The following RELN variants were observed in gnomAD, a reference collection of about 807,000 sequenced individuals.
The protein encoded by RELN is reelin.
In RELN, 108 loss-of-function variants were observed where a neutral mutation model predicts 427.6. That is an observed-to-expected ratio of 0.25 (90% CI 0.22 to 0.30). RELN has a LOEUF of 0.30. RELN is among the 10% of genes least tolerant of loss of function. The pLI is 1.00. For synonymous variants in RELN, 1,524 were observed against 1,513.4 expected (o/e 1.01, Z -0.16); for missense variants, 3,715 against 4,302.8 (o/e 0.86, Z 3.82).
At chr7:103,822,910 G>T (rs1793044828) in intron 3 of RELN, among the ~76,000 whole-genome samples, 2 of 142,524 alleles carry the variant, frequency 1.4e-5, no homozygotes, top group African/African-American at 5.3e-5. Context: ...GACAGAGCGA[G>T]ACTCCGTCTC....
At chr7:103,986,865 A>C (rs1462135104) in intron 1 of RELN, among the ~76,000 whole-genome samples, 1 of 151,938 alleles carries the variant, frequency 6.6e-6, no homozygotes. Flanking sequence ...CACATATCAA[A>C]ATGGGCCAAC....
intron 2 of RELN, among the ~76,000 whole-genome samples, chr7:103,843,766 G>T (rs935332173): frequency 6.6e-6 from 1 of 152,092 alleles, no homozygotes; most frequent in Non-Finnish European, 1.5e-5. Flanking sequence ...GTTATACTTG[G>T]GTCTGTGTGA....
intron 3 of RELN, among the ~76,000 whole-genome samples, chr7:103,798,122 T>C (rs994589467): frequency 2.0e-5 from 3 of 152,224 alleles, no homozygotes; most frequent in African/African-American, 7.2e-5. Context: ...CCCTGGACAG[T>C]ACTACTCACT....
At chr7:103,960,512 A>AT (rs996038214) in intron 1 of RELN, among the ~76,000 whole-genome samples, 24 of 151,922 alleles carry the variant, frequency 1.6e-4, no homozygotes, top group African/African-American at 5.3e-4. Context: ...ATTTTATCGT[A>AT]TTTTTTCTGA....
At chr7:103,735,250 T>A (rs1038621978) in intron 6 of RELN, among the ~76,000 whole-genome samples, 4 of 152,214 alleles carry the variant, frequency 2.6e-5, no homozygotes, top group Non-Finnish European at 5.9e-5. Context: ...GTTCTCTATT[T>A]TTTATTTATT....
In RELN at chr7:103,603,228, T is replaced by C; in HGVS notation, c.3333+76A>G. ...TGGGGAACAATAGAACCACTTCATA[T>C]TTGTACATTTGGAATTCAGAGTCTC... On this transcript the variant is annotated intron_variant, in intron 24 of 64. Transcript: ENST00000428762. This position sits in a 1 kb window ranked among gnomAD's most constrained non-coding sequence, Gnocchi z 4.3. 8.3e-7 allele frequency: 1 copy of C among 1,204,058 alleles called. No homozygotes were observed. The highest frequency in any genetic ancestry group is 1.2e-5 in the South Asian group (1 of 82,222). The allele number at this position is 1,204,058 out of a possible 1,614,324, so 74.6% of individuals were successfully genotyped here.
At chr7:103,627,981 GCTAA>G (rs1459429850) in intron 20 of RELN, 2 of 152,166 alleles carry the variant, frequency 1.3e-5, no homozygotes, top group South Asian at 2.1e-4. Context: ...CTGAGCAGAT[GCTAA>G]CTATTTATGA....
intron 1 of RELN, among the ~76,000 whole-genome samples, chr7:103,978,340 G>A (rs1796923987): frequency 6.6e-6 from 1 of 152,064 alleles, no homozygotes; most frequent in Non-Finnish European, 1.5e-5. Flanking sequence ...CTGTTCCCTG[G>A]CTCATTTCGC....
At chr7:103,634,332 C>G (rs1032016267) in intron 19 of RELN, among the ~76,000 whole-genome samples, 4 of 152,156 alleles carry the variant, frequency 2.6e-5, no homozygotes, top group African/African-American at 9.7e-5. Context: ...ATCAACTACT[C>G]TGATGGAATT....
chr7:103,945,118 C>CA, intron 1 of RELN, among the ~76,000 whole-genome samples: 1 of 152,228 alleles, frequency 6.6e-6, no homozygotes, highest in Admixed American at 6.5e-5. Context: ...AGAGAAGCTA[C>CA]AAATAGCAAG....
chr7:103,768,911 T>C (rs1339121971), intron 4 of RELN, among the ~76,000 whole-genome samples: 1 of 152,220 alleles, frequency 6.6e-6, no homozygotes, highest in Non-Finnish European at 1.5e-5. Context: ...TAACCCCCTA[T>C]ATACACTTTT....
chr7:103,876,524 C>G (rs1391582814), intron 2 of RELN, among the ~76,000 whole-genome samples: 1 of 152,068 alleles, frequency 6.6e-6, no homozygotes, highest in East Asian at 1.9e-4. Context: ...TAACATTAAG[C>G]TTTTATTGCT....
intron 28 of RELN, among the ~76,000 whole-genome samples, chr7:103,589,083 T>C (rs1013989760): frequency 5.9e-5 from 9 of 152,230 alleles, no homozygotes; most frequent in Non-Finnish European, 1.2e-4. Flanking sequence ...ATCTTTTTCA[T>C]ACATCTGCTT....
chr7:103,858,081 G>T (rs777414363), intron 2 of RELN, among the ~76,000 whole-genome samples: 5 of 151,776 alleles, frequency 3.3e-5, no homozygotes, highest in Non-Finnish European at 7.4e-5. Context: ...ATGTATACAT[G>T]TATATAGTGT....
intron 2 of RELN, among the ~76,000 whole-genome samples, chr7:103,874,080 A>G (rs1258607790): frequency 4.1e-5 from 6 of 146,202 alleles, no homozygotes; most frequent in Non-Finnish European, 9.1e-5. Context: ...GTGATCCAGC[A>G]TATAAACAGA....
At chr7:103,765,879 T>G (rs1197773468) in intron 4 of RELN, among the ~76,000 whole-genome samples, 1 of 152,220 alleles carries the variant, frequency 6.6e-6, no homozygotes. Context: ...AAAAGAAGGC[T>G]GTTTAAATCT....
chr7:103,540,439 T>G lies in RELN; in HGVS notation c.6688A>C (p.Met2230Leu), dbSNP rs1356126131. 1.2e-6 allele frequency: 2 copies of G among 1,613,932 alleles called. No individual in the cohort carries two copies. The highest frequency in any genetic ancestry group is 1.3e-5 in the African/African-American group (1 of 75,032). The change falls in exon 44 of 65, where the codon ATG becomes CTG. Residue 2230 changes from methionine to leucine, a missense_variant. Met to Leu is a conservative substitution (Grantham distance 15, BLOSUM62 2). This residue lies in a region of RELN where 1,310 missense variants were observed against 1,643.0 expected (regional missense o/e 0.80). Coordinates refer to ENST00000428762, the MANE Select transcript of RELN (RefSeq NM_005045.4). ...ACGCCTTTACCACATCCCAGTCTCA[T>G]GAAGAACTGCACAAATCTGACATTT... ...LSHARFVQFFMRLGCGKGVPD... is the reference protein window; with the variant it reads ...LSHARFVQFFLRLGCGKGVPD...
rs1831762405 is a variant in RELN at position 103,604,373 on chromosome 7, T to C, written c.3119A>G (p.His1040Arg). The change falls in exon 23 of 65, where the codon CAT (histidine) becomes CGT (arginine). Residue 1040 changes from histidine (H) to arginine (R), a missense_variant. Transcript: ENST00000428762. ...GQQCPNMCSGHGSCDHGICRC... is the reference protein window; with the variant it reads ...GQQCPNMCSGRGSCDHGICRC... ...GCATATGCCATGATCGCATGAGCCATGCCCACTGCACATGTTGGGGCACTG... is the reference window on the plus strand; with the variant it reads ...GCATATGCCATGATCGCATGAGCCACGCCCACTGCACATGTTGGGGCACTG... 4 of 1,613,940 alleles carry C rather than the reference T, an allele frequency of 2.5e-6. No homozygotes were observed. The highest frequency in any genetic ancestry group is 1.3e-5 in the African/African-American group (1 of 75,054).
chr7:103,555,150 G>T (rs923329756), intron 38 of RELN, among the ~76,000 whole-genome samples: 1 of 152,116 alleles, frequency 6.6e-6, no homozygotes, highest in Non-Finnish European at 1.5e-5. Context: ...TAAGGAATAT[G>T]TTAGAGTAGA....
Sources: allele counts gnomAD v4.1 joint callset (sites outside exome capture counted in the v4.1 genomes callset), GRCh38; gene constraint gnomAD v4.1.1; regional missense constraint gnomAD v4.1.1; non-coding constraint Gnocchi (gnomAD v3.1); transcripts MANE v1.5; gene names NCBI Gene and HGNC (gene_info 2026-07-23, HGNC 2026-07-21).